The following AVIL variants were observed in gnomAD, a reference collection of about 807,000 sequenced individuals.
AVIL encodes advillin.
Under a neutral mutation model 109.9 loss-of-function variants are expected in AVIL, and 78 were observed. The ratio of observed to expected loss-of-function variants is 0.71; its 90% confidence interval spans 0.59 to 0.86. AVIL has a LOEUF of 0.86. AVIL is among the 40% of genes least tolerant of loss of function. The probability of loss-of-function intolerance (pLI) is 0.00; values close to 1 mark genes in which losing one functional copy is unlikely to be tolerated. For missense variants in AVIL, 892 were observed against 1,016.5 expected (o/e 0.88, Z 1.67); for synonymous variants, 367 against 379.1 (o/e 0.97, Z 0.37).
Position 57,817,132 on chromosome 12 carries a change from G to A in AVIL, c.-19-1073C>T, listed in dbSNP as rs144318742. Among the ~76,000 whole-genome samples, 8 of 152,108 alleles carry A rather than the reference G, an allele frequency of 5.3e-5. No individual in the cohort carries two copies. In the East Asian group the frequency reaches 1.5e-3, roughly 29 times the overall value. ...ATAGAATTAAAATACCTGCTCTCAA[G>A]GAGCTTGAAATCTGATAACATGCAT... On this transcript the variant is annotated intron_variant, in intron 1 of 19. Transcript: ENST00000549994.
chr12:57,806,275 G>C (rs764242298), intron 14 of AVIL, 85 bp downstream of exon 14: 2 of 1,490,136 alleles, frequency 1.3e-6, no homozygotes, highest in Non-Finnish European at 1.9e-6. Context: ...GCCTACTCTA[G>C]GTCCTTTGAC....
intron 4 of AVIL, among the ~76,000 whole-genome samples, chr12:57,812,017 G>T (rs1239887778): frequency 3.3e-5 from 5 of 151,496 alleles, no homozygotes; most frequent in Admixed American, 6.6e-5. Context: ...TAAAGACAGG[G>T]TCTCACTCTG....
intron 1 of AVIL, among the ~76,000 whole-genome samples, chr12:57,816,720 T>G (rs1956104879): frequency 1.3e-5 from 2 of 149,292 alleles, no homozygotes; most frequent in Non-Finnish European, 3.0e-5. Context: ...TTTTTTTTTT[T>G]TTTTTAGAGT....
chr12:57,801,021 A>T (rs1168619440), intron 18 of AVIL, 123 bp downstream of exon 18: 3 of 744,476 alleles, frequency 4.0e-6, no homozygotes, highest in Non-Finnish European at 6.5e-6. Flanking sequence ...CTTTACATCA[A>T]AACAGACAAC....
In AVIL at chr12:57,811,108, C is replaced by T. The variant is rs139710395; in HGVS notation, c.358G>A (p.Ala120Thr). 138 of 1,613,964 alleles carry T rather than the reference C, an allele frequency of 8.6e-5. No individual in the cohort carries two copies. The highest frequency in any genetic ancestry group is 1.2e-4 in the Admixed American group (7 of 59,992). Residue 120 changes from alanine (A) to threonine (T), a missense_variant, in exon 5 of 20, where the codon GCC becomes ACC. By Grantham distance (58) the Ala-to-Thr change is moderately conservative. Coordinates refer to ENST00000549994, the MANE Select transcript of AVIL (RefSeq NM_006576.4). ...GTCTCCACGTGCTTCATCCCAGAGG[C>T]GACACCCCCCTGCTTGTAGCTAAGG... ...QGIIYKQGGV[A>T]SGMKHVETNT... is the part of the protein sequence containing the mutation.
Position 57,817,893 on chromosome 12 carries a change from C to G in AVIL, c.-20+736G>C, listed in dbSNP as rs566066207. 2.6e-5 allele frequency among the ~76,000 whole-genome samples: 4 copies of G among 152,294 alleles called. No homozygotes were observed. In the East Asian group the frequency reaches 7.7e-4, roughly 29 times the overall value. On this transcript the variant is annotated intron_variant, in intron 1 of 19. Coordinates refer to ENST00000549994, the MANE Select transcript of AVIL (RefSeq NM_006576.4). ...TTCTCCCTAAATCCTAATTCAGTAT[C>G]CTTTGAGAGGACTGCAGAAACCCCT...
chr12:57,816,090 A>G lies in AVIL; in HGVS notation c.-19-31T>C, dbSNP rs772212773. 26 of 1,556,876 alleles carry G rather than the reference A, an allele frequency of 1.7e-5. No individual in the cohort carries two copies. In the South Asian group the frequency reaches 2.5e-4, roughly 15 times the overall value. On this transcript the variant is annotated intron_variant, in intron 1 of 19. Coordinates refer to ENST00000549994, the MANE Select transcript of AVIL (RefSeq NM_006576.4). ...ACATCACAGAACAAGAGGGGAGATG[A>G]TATCTCTTGCCATAGTGGGCATCAA...
rs139026012 is a variant in AVIL, at chr12:57,814,186, T to C, written c.107A>G (p.Asn36Ser). Reference sequence around the variant, plus strand: ...GACGTAGCAGTCCCCCTCATAGAAGTTGCCGTGGGCGCTCACAGGCACCAG... The same window carrying C: ...GACGTAGCAGTCCCCCTCATAGAAGCTGCCGTGGGCGCTCACAGGCACCAG... ...LALVPVSAHG[N>S]FYEGDCYVIL... is the part of the protein sequence containing the mutation. The change falls in exon 3 of 20, where the codon AAC becomes AGC. Residue 36 changes from asparagine to serine, a missense_variant. Coordinates refer to ENST00000549994, the MANE Select transcript of AVIL (RefSeq NM_006576.4). The C allele has an allele frequency of 6.0e-5, 96 of 1,612,868 alleles. No individual in the cohort carries two copies. The African/African-American group carries it at 1.0e-3, about 18-fold the overall frequency.
At position 57,814,154 on chromosome 12, in the gene AVIL, A is replaced by G. The variant is rs1034050671; in HGVS notation, c.139T>C (p.Ser47Pro). ...GGAGTGGGGAGGAGGGTGCTCACCG[A>G]GAGGATGACGTAGCAGTCCCCCTCA... Reference protein sequence around the residue: ...FYEGDCYVILSTRRVASLLSQ... With the variant: ...FYEGDCYVILPTRRVASLLSQ... The change falls in exon 3 of 20, where the codon TCG becomes CCG. Residue 47 changes from serine (S) to proline (P), a missense_variant and splice_region_variant. By Grantham distance (74) the Ser-to-Pro change is moderately conservative. Transcript: ENST00000549994. 5 of 1,612,828 alleles carry G rather than the reference A, an allele frequency of 3.1e-6. No homozygotes were observed. In the African/African-American group the frequency reaches 4.0e-5, roughly 13 times the overall value.
At chr12:57,802,024 G>A (rs1054950534) in intron 17 of AVIL, 136 bp downstream of exon 17, 2 of 992,516 alleles carry the variant, frequency 2.0e-6, no homozygotes, top group Non-Finnish European at 2.9e-6. Flanking sequence ...AAAGTAAAAG[G>A]CAGGGAGTGG....
Position 57,806,695 on chromosome 12 carries a change from T to G in AVIL, c.1492-156A>C, listed in dbSNP as rs113034315. 5,262 of 724,262 alleles carry G rather than the reference T, an allele frequency of 7.3e-3. 177 individuals carry two copies. Among genetic ancestry groups the G allele is most frequent in the South Asian group, 0.063 (3,269 of 52,132 alleles). The allele number at this position is 724,262 out of a possible 1,614,324, so 44.9% of individuals were successfully genotyped here. The stretch of plus-strand genomic sequence containing the variant: ...AGGGTCAGGGTAAGCTGGAGTTATG[T>G]CACCGATAACAACAACTTTCATCCT... On this transcript the variant is annotated intron_variant, in intron 13 of 19. Transcript: ENST00000549994.
In AVIL at chr12:57,806,394, C is replaced by T. The variant is rs549145073; in HGVS notation, c.1637G>A (p.Arg546Gln). The T allele has an allele frequency of 8.0e-5, 129 of 1,613,982 alleles. 1 individual carries two copies. The highest frequency in any genetic ancestry group is 1.0e-4 in the Non-Finnish European group (120 of 1,179,998). The change falls in exon 14 of 20, where the codon CGA becomes CAA. Residue 546 changes from arginine to glutamine, a missense_variant. Physicochemically the swap from Arg to Gln is conservative, Grantham distance 43 (BLOSUM62 1). Transcript: ENST00000549994. ...SLNSNDVFLLRTQAEHYLWYG... is the reference protein window; with the variant it reads ...SLNSNDVFLLQTQAEHYLWYG... ...CCACAGGTAGTGCTCTGCCTGAGTT[C>T]GCAGCAGAAAGACATCATTGGAGTT...
At chr12:57,802,522 T>A (rs1391202346) in intron 16 of AVIL, 174 bp from the exon 17 acceptor site, 1 of 809,810 alleles carries the variant, frequency 1.2e-6, no homozygotes, top group South Asian at 1.4e-5. Flanking sequence ...CAGCTTGATG[T>A]TTATCATTTT....
chr12:57,808,504 C>G lies in AVIL; in HGVS notation c.984G>C (p.Glu328Asp), dbSNP rs1335257631. Residue 328 changes from glutamate (E) to aspartate (D), a missense_variant, in exon 10 of 20, where the codon GAG (glutamate) becomes GAC (aspartate). By Grantham distance (45) the Glu-to-Asp change is conservative. Transcript: ENST00000549994. ...MKSYPSSTNVETVNDGAESAM... is the reference protein window; with the variant it reads ...MKSYPSSTNVDTVNDGAESAM... The stretch of plus-strand genomic sequence containing the variant: ...CCGACTCAGCACCATCGTTGACGGT[C>G]TCCACATTGGTGCTGCTGGGGTAGC... The G allele has an allele frequency of 1.9e-6, 3 of 1,614,046 alleles. No individual in the cohort carries two copies. Among genetic ancestry groups the G allele is most frequent in the African/African-American group, 2.7e-5 (2 of 74,896 alleles).
intron 1 of AVIL, among the ~76,000 whole-genome samples, chr12:57,817,674 G>A (rs1022181850): frequency 5.3e-4 from 81 of 152,186 alleles, no homozygotes; most frequent in Middle Eastern, 3.4e-3. Context: ...CAAACCAGCC[G>A]GCAGCAATTA....
At chr12:57,803,223 C>T (rs780954916) in intron 16 of AVIL, 24 bp downstream of exon 16, 5 of 1,613,582 alleles carry the variant, frequency 3.1e-6, no homozygotes, top group Non-Finnish European at 4.2e-6. Context: ...TTCTCATGTT[C>T]TGACTTCTGC....
At position 57,797,763 on chromosome 12, in the gene AVIL, C is replaced by CT. The variant is rs1955765203; in HGVS notation, c.*118dup. On this transcript the variant is annotated 3_prime_UTR_variant, in exon 20 of 20. Transcript: ENST00000549994. The stretch of plus-strand genomic sequence containing the variant: ...GAGAACATGCCGTGATTTGCAGACT[C>CT]TATTATATCTAAATTAAGTAGCTGA... 2.4e-6 allele frequency: 2 copies of CT among 840,986 alleles called. No individual in the cohort carries two copies. Among genetic ancestry groups the CT allele is most frequent in the African/African-American group, 3.5e-5 (2 of 57,042 alleles). The allele number at this position is 840,986 out of a possible 1,614,324, so 52.1% of individuals were successfully genotyped here. A position where few individuals can be genotyped will look rare whatever the true frequency, so the allele number is the denominator to read the frequency against.
chr12:57,798,797 A>G (rs1955787300), intron 19 of AVIL, among the ~76,000 whole-genome samples: 1 of 151,870 alleles, frequency 6.6e-6, no homozygotes, highest in Admixed American at 6.6e-5. Context: ...TTGTATTTTT[A>G]GTACAGACGG....
intron 16 of AVIL, chr12:57,802,838 C>T (rs1595159297): frequency 1.8e-6 from 1 of 564,884 alleles, no homozygotes; most frequent in Non-Finnish European, 3.1e-6. Context: ...GTCACCATCC[C>T]TCCATCCCTA....
Sources: gnomAD v4.1 joint callset for allele counts (sites outside exome capture counted in the v4.1 genomes callset) on GRCh38, gnomAD v4.1.1 for gene constraint, MANE v1.5 for transcripts, NCBI Gene and HGNC (gene_info 2026-07-23, HGNC 2026-07-21) for gene names.